The following PDE4D variants were observed in gnomAD, a reference collection of about 807,000 sequenced individuals.
PDE4D encodes 3',5'-cyclic-AMP phosphodiesterase 4D.
A neutral mutation model predicts 87.4 loss-of-function variants in PDE4D; 24 were observed. The ratio of observed to expected loss-of-function variants is 0.27; its 90% CI spans 0.20 to 0.39. The LOEUF (loss-of-function observed/expected upper bound fraction) is 0.39. PDE4D is among the 10% of genes least tolerant of loss of function. PDE4D has a pLI of 1.00. For synonymous variants in PDE4D, 384 were observed against 383.2 expected (o/e 1.00, Z -0.02); for missense variants, 714 against 1,041.0 (o/e 0.69, Z 4.32).
At chr5:59,844,767 T>A (rs1191519798) in intron 1 of PDE4D, among the ~76,000 whole-genome samples, 1 of 152,092 alleles carries the variant, frequency 6.6e-6, no homozygotes, top group Non-Finnish European at 1.5e-5. Flanking sequence ...GATTAGGTTA[T>A]TATGTATGGA....
chr5:60,227,425 G>C (rs533233014), intron 1 of PDE4D, among the ~76,000 whole-genome samples: 10 of 152,044 alleles, frequency 6.6e-5, no homozygotes, highest in African/African-American at 2.4e-4. Flanking sequence ...TTCATTGATA[G>C]ATCCTTAGCA....
At chr5:59,132,289 C>T (rs964287755) in intron 5 of PDE4D, among the ~76,000 whole-genome samples, 2 of 152,114 alleles carry the variant, frequency 1.3e-5, no homozygotes, top group African/African-American at 4.8e-5. Flanking sequence ...GTGGAGATGA[C>T]AGGTGAGCCA....
intron 2 of PDE4D, among the ~76,000 whole-genome samples, chr5:60,117,540 GAATT>G (rs1180765239): frequency 2.0e-5 from 3 of 151,842 alleles, no homozygotes; most frequent in Non-Finnish European, 1.5e-5. Context: ...CTTTTTAAGA[GAATT>G]AATTAACTAC....
chr5:59,141,285 A>G (rs1777851972), intron 5 of PDE4D, among the ~76,000 whole-genome samples: 1 of 152,214 alleles, frequency 6.6e-6, no homozygotes, highest in African/African-American at 2.4e-5. Flanking sequence ...TACTTGCCCA[A>G]ATTAGTTGTA....
chr5:59,275,997 T>G (rs1205420327), intron 1 of PDE4D: 1 of 985,082 alleles, frequency 1.0e-6, no homozygotes, highest in Non-Finnish European at 1.2e-6. Flanking sequence ...TGTGTGTCCC[T>G]GCTTAGAATC....
rs368058025 is a variant in PDE4D at position 60,363,250 on chromosome 5, T to C, written c.-90+124692A>G. On this transcript the variant is annotated intron_variant, in intron 1 of 16. Coordinates refer to the PDE4D transcript ENST00000502484. ...ATTATCATACAGTCTGACTTTCAAGTAGTATATATTTGCTTCTTTTTCTGT... is the reference window on the plus strand; with the variant it reads ...ATTATCATACAGTCTGACTTTCAAGCAGTATATATTTGCTTCTTTTTCTGT... 5.3e-5 allele frequency among the ~76,000 whole-genome samples: 8 copies of C among 152,320 alleles called. 1 individual carries two copies. The highest frequency in any genetic ancestry group is 1.9e-4 in the African/African-American group (8 of 41,564).
chr5:60,157,380 G>A (rs1329343268), intron 2 of PDE4D, among the ~76,000 whole-genome samples: 1 of 152,110 alleles, frequency 6.6e-6, no homozygotes, highest in East Asian at 1.9e-4. Context: ...GAACAGAGCA[G>A]AGAAATTCCC....
At position 59,521,576 on chromosome 5, in the gene PDE4D, G is replaced by A. The variant is rs1465114024; in HGVS notation, c.456-305608C>T. Among the ~76,000 whole-genome samples, 5 of 152,010 alleles carry A rather than the reference G, an allele frequency of 3.3e-5. No homozygotes were observed. The East Asian group carries it at 7.7e-4, about 23-fold the overall frequency. ...ACCATTCTTCTCCCAGCCAATTACT[G>A]GCCTCTAAACTATTTTTGAATAAAT... is the stretch of plus-strand genomic sequence containing the variant. On this transcript the variant is annotated intron_variant, in intron 1 of 14. Transcript: ENST00000340635.
At chr5:59,307,691 C>T (rs867778453) in intron 1 of PDE4D, among the ~76,000 whole-genome samples, 1 of 151,408 alleles carries the variant, frequency 6.6e-6, no homozygotes, top group Middle Eastern at 3.4e-3. Context: ...GAATGGCAAT[C>T]ATTCAAAAGT....
At chr5:59,024,479 G>C (rs1755846750) in intron 6 of PDE4D, among the ~76,000 whole-genome samples, 1 of 152,112 alleles carries the variant, frequency 6.6e-6, no homozygotes, top group South Asian at 2.1e-4. Context: ...TTACAGGCTT[G>C]AGGCACCACG....
At chr5:59,376,112 A>G (rs1245054037) in intron 1 of PDE4D, among the ~76,000 whole-genome samples, 1 of 152,202 alleles carries the variant, frequency 6.6e-6, no homozygotes, top group Non-Finnish European at 1.5e-5. Context: ...AAGTATTACC[A>G]TTGAAAATGG....
chr5:59,533,326 T>C (rs1242191240), intron 1 of PDE4D, among the ~76,000 whole-genome samples: 1 of 152,260 alleles, frequency 6.6e-6, no homozygotes, highest in Non-Finnish European at 1.5e-5. Context: ...GGAACTCATA[T>C]GCTTATATTT....
intron 5 of PDE4D, among the ~76,000 whole-genome samples, chr5:59,071,217 G>A (rs528940176): frequency 1.3e-5 from 2 of 152,192 alleles, no homozygotes; most frequent in African/African-American, 2.4e-5. Flanking sequence ...TATACGATAC[G>A]ATAATGATCC....
chr5:60,373,234 T>C (rs1761173950), intron 1 of PDE4D, among the ~76,000 whole-genome samples: 1 of 152,204 alleles, frequency 6.6e-6, no homozygotes, highest in Non-Finnish European at 1.5e-5. Flanking sequence ...ATAATTTACA[T>C]TACATTTCAA....
chr5:59,927,807 T>C (rs1304297199), intron 3 of PDE4D, among the ~76,000 whole-genome samples: 1 of 152,236 alleles, frequency 6.6e-6, no homozygotes, highest in African/African-American at 2.4e-5. Context: ...ACATCACTTA[T>C]ACTGAAACAA....
chr5:59,085,440 A>C (rs931839752), intron 5 of PDE4D, among the ~76,000 whole-genome samples: 9 of 152,020 alleles, frequency 5.9e-5, no homozygotes, highest in Non-Finnish European at 5.9e-5. Context: ...CCCCTTGCTT[A>C]TTATTATTTT....
rs1761787406 is a variant in PDE4D, at chr5:60,380,640, A to G, written c.-90+107302T>C. ...TCTCTTGTTTTAGCAAGTGATACCA[A>G]TTTGGAGATTGTTTGTTAGCGCAGC... On this transcript the variant is annotated intron_variant, in intron 1 of 16. Coordinates refer to the PDE4D transcript ENST00000502484. Among the ~76,000 whole-genome samples, 3 of 152,186 alleles carry G rather than the reference A, an allele frequency of 2.0e-5. No homozygotes were observed. In the South Asian group the frequency reaches 6.2e-4, roughly 32 times the overall value.
At chr5:60,197,069 ATAGACAGT>A (rs1186542173) in intron 1 of PDE4D, among the ~76,000 whole-genome samples, 80 of 112,010 alleles carry the variant, frequency 7.1e-4, no homozygotes, top group African/African-American at 1.4e-3. Flanking sequence ...AGATAGATAG[ATAGACAGT>A]TAGATAGATA....
intron 1 of PDE4D, among the ~76,000 whole-genome samples, chr5:59,521,338 A>G (rs961022709): frequency 2.6e-5 from 4 of 152,218 alleles, no homozygotes; most frequent in African/African-American, 7.2e-5. Flanking sequence ...AGGTCAGAGT[A>G]AAAATAAAAA....
Sources: gnomAD v4.1 joint callset for allele counts (sites outside exome capture counted in the v4.1 genomes callset) on GRCh38, gnomAD v4.1.1 for gene constraint, MANE v1.5 for transcripts, NCBI Gene and HGNC (gene_info 2026-07-23, HGNC 2026-07-21) for gene names.